Variants in BBX observed in about 807,000 individuals in gnomAD.
BBX encodes the protein BBX high mobility group box domain containing, also known as HMG box transcription factor BBX.
BBX carries 30 observed loss-of-function variants against 100.2 expected under a neutral mutation model. That is an observed-to-expected ratio of 0.30 (90% CI 0.22 to 0.41). The LOEUF (loss-of-function observed/expected upper bound fraction) is 0.41, where lower values mean the gene tolerates loss of function less well. Among genes scored for constraint, BBX ranks in the 10% least tolerant of loss-of-function variants. The pLI is 1.00. For missense variants in BBX, 1,023 were observed against 1,129.8 expected (o/e 0.91, Z 1.35); for synonymous variants, 376 against 388.1 (o/e 0.97, Z 0.37).
At chr3:107,728,652 A>G in intron 5 of BBX, 113 bp from the exon 6 acceptor site, 1 of 877,018 alleles carries the variant, frequency 1.1e-6, no homozygotes, top group East Asian at 2.5e-5. Context: ...CACAGAAGTC[A>G]CTGAAATTGT....
intron 13 of BBX, among the ~76,000 whole-genome samples, chr3:107,789,178 GA>G (rs779026894): frequency 2.8e-4 from 40 of 144,194 alleles, no homozygotes; most frequent in East Asian, 4.0e-4. Context: ...ATTGTTCACT[GA>G]AAAAAAAAAA....
At chr3:107,633,240 T>C (rs2056655525) in intron 2 of BBX, among the ~76,000 whole-genome samples, 1 of 152,102 alleles carries the variant, frequency 6.6e-6, no homozygotes, top group African/African-American at 2.4e-5. Context: ...TATTTTGAAT[T>C]TCATATGTTA....
At chr3:107,724,949 G>A (rs1044981150) in intron 5 of BBX, among the ~76,000 whole-genome samples, 36 of 152,034 alleles carry the variant, frequency 2.4e-4, no homozygotes, top group East Asian at 7.7e-4. Flanking sequence ...GTGAAGAAAG[G>A]CATTGGTAGC....
At chr3:107,623,510 A>C (rs1275598550) in intron 2 of BBX, among the ~76,000 whole-genome samples, 1 of 152,184 alleles carries the variant, frequency 6.6e-6, no homozygotes, top group Admixed American at 6.5e-5. Flanking sequence ...TGGGACAGAC[A>C]AAGTGAAGTG....
chr3:107,691,390 C>A (rs2060162076), intron 3 of BBX, among the ~76,000 whole-genome samples: 1 of 152,022 alleles, frequency 6.6e-6, no homozygotes, highest in Admixed American at 6.6e-5. Context: ...CACATTCATT[C>A]TAAACACATA....
chr3:107,760,270 A>G (rs188205231), intron 10 of BBX, among the ~76,000 whole-genome samples: 1 of 152,366 alleles, frequency 6.6e-6, no homozygotes, highest in African/African-American at 2.4e-5. Flanking sequence ...TGTGCATATT[A>G]TAAAAGTCTC....
At chr3:107,723,698 AT>A (rs1194439231) in intron 5 of BBX, among the ~76,000 whole-genome samples, 3 of 152,046 alleles carry the variant, frequency 2.0e-5, no homozygotes, top group African/African-American at 7.3e-5. Context: ...GCTGAGAATG[AT>A]GGTTTCCAGC....
chr3:107,667,916 G>C (rs1455885178), intron 3 of BBX, among the ~76,000 whole-genome samples: 1 of 152,040 alleles, frequency 6.6e-6, no homozygotes, highest in Non-Finnish European at 1.5e-5. Flanking sequence ...ATGTTTAAAT[G>C]GATCTGTAAT....
chr3:107,591,104 T>TC (rs903579779), intron 2 of BBX, among the ~76,000 whole-genome samples: 19 of 152,302 alleles, frequency 1.2e-4, no homozygotes, highest in African/African-American at 4.6e-4. Context: ...TAGATTTTTT[T>TC]CCCCCCAGTC....
At chr3:107,633,324 TTTTGA>T (rs1334566248) in intron 2 of BBX, among the ~76,000 whole-genome samples, 1 of 152,126 alleles carries the variant, frequency 6.6e-6, no homozygotes, top group Non-Finnish European at 1.5e-5. Context: ...TTATTAAATC[TTTTGA>T]TTTTATGAAA....
At chr3:107,774,950 G>T in intron 12 of BBX, 93 bp downstream of exon 12, 2 of 1,425,636 alleles carry the variant, frequency 1.4e-6, no homozygotes, top group Non-Finnish European at 1.9e-6. Flanking sequence ...ACGCATGCTT[G>T]TTCTTTGACT....
chr3:107,669,447 G>A (rs1181742119), intron 3 of BBX, among the ~76,000 whole-genome samples: 5 of 152,090 alleles, frequency 3.3e-5, no homozygotes, highest in African/African-American at 1.2e-4. Context: ...TTTTGAATAT[G>A]TGGGTGGGGA....
chr3:107,588,103 A>G (rs866591084), intron 2 of BBX, among the ~76,000 whole-genome samples: 4 of 152,134 alleles, frequency 2.6e-5, no homozygotes, highest in Non-Finnish European at 2.9e-5. Flanking sequence ...TTGTTTTATT[A>G]TTCTCTTTTC....
At chr3:107,627,814 A>G (rs1038747531) in intron 2 of BBX, among the ~76,000 whole-genome samples, 1 of 152,096 alleles carries the variant, frequency 6.6e-6, no homozygotes, top group Non-Finnish European at 1.5e-5. Flanking sequence ...GAAAGAAAGC[A>G]TGAACTTTCT....
intron 2 of BBX, among the ~76,000 whole-genome samples, chr3:107,617,990 C>T (rs2055423080): frequency 6.6e-6 from 1 of 151,728 alleles, no homozygotes; most frequent in Non-Finnish European, 1.5e-5. Flanking sequence ...GTATTTTTCT[C>T]TTGTAGTGTT....
intron 2 of BBX, among the ~76,000 whole-genome samples, chr3:107,562,995 A>G (rs1278242954): frequency 1.3e-5 from 2 of 152,224 alleles, no homozygotes; most frequent in African/African-American, 4.8e-5. Flanking sequence ...TACTTAGGAA[A>G]TATCCAAACT....
At position 107,686,422 on chromosome 3, in the gene BBX, T is replaced by C. The variant is rs138299798; in HGVS notation, c.-9-24030T>C. Among the ~76,000 whole-genome samples, 610 of 152,088 alleles carry C rather than the reference T, an allele frequency of 4.0e-3. 1 individual carries two copies. Among genetic ancestry groups the C allele is most frequent in the Non-Finnish European group, 5.0e-3 (342 of 67,976 alleles). Reference sequence around the variant, plus strand: ...GAGCTGTCTGTGTTTTTTGTTGTTCTTGTTTTTTGTTTTTTTTTTTCTTCT... The same window carrying C: ...GAGCTGTCTGTGTTTTTTGTTGTTCCTGTTTTTTGTTTTTTTTTTTCTTCT... On this transcript the variant is annotated intron_variant, in intron 3 of 17. Coordinates refer to ENST00000325805, the MANE Select transcript of BBX (RefSeq NM_001142568.3).
intron 2 of BBX, among the ~76,000 whole-genome samples, chr3:107,606,592 TACTC>T (rs1322420412): frequency 3.9e-5 from 6 of 152,228 alleles, no homozygotes; most frequent in African/African-American, 9.6e-5. Flanking sequence ...TATTTTATAT[TACTC>T]AATTAATATT....
intron 2 of BBX, among the ~76,000 whole-genome samples, chr3:107,643,434 G>A (rs1477071038): frequency 2.0e-5 from 3 of 152,070 alleles, no homozygotes; most frequent in Admixed American, 2.0e-4. Context: ...TCATGGGTGG[G>A]AAGCAGAGGC....
Sources: gnomAD v4.1 joint callset for allele counts (sites outside exome capture counted in the v4.1 genomes callset) on GRCh38, gnomAD v4.1.1 for gene constraint, MANE v1.5 for transcripts, NCBI Gene and HGNC (gene_info 2026-07-23, HGNC 2026-07-21) for gene names.